The following LPAR1 variants were observed in gnomAD, a reference collection of about 807,000 sequenced individuals.
LPAR1 encodes lysophosphatidic acid receptor 1, also known as LPA receptor 1.
LPAR1 carries 5 observed loss-of-function variants against 23.8 expected under a neutral mutation model. The ratio of observed to expected loss-of-function variants is 0.21; its 90% CI spans 0.11 to 0.44. The LOEUF (loss-of-function observed/expected upper bound fraction) is 0.44, where lower values mean the gene tolerates loss of function less well. Among genes scored for constraint, LPAR1 ranks in the 20% least tolerant of loss-of-function variants. LPAR1 has a pLI of 0.99. For synonymous variants in LPAR1, 160 were observed against 164.7 expected (o/e 0.97, Z 0.22); for missense variants, 311 against 482.8 (o/e 0.64, Z 3.33).
intron 5 of LPAR1, among the ~76,000 whole-genome samples, chr9:110,905,410 A>T (rs2090919014): frequency 6.7e-6 from 1 of 149,614 alleles, no homozygotes; most frequent in Non-Finnish European, 1.5e-5. Flanking sequence ...CAGTGGCATG[A>T]TCTTGGCTCA....
At chr9:111,002,553 A>G (rs1038226662) in intron 2 of LPAR1, among the ~76,000 whole-genome samples, 7 of 152,246 alleles carry the variant, frequency 4.6e-5, no homozygotes, top group African/African-American at 1.7e-4. Context: ...TGAACTTATC[A>G]TTAAAGATAG....
chr9:110,931,803 G>C (rs2094435918), intron 5 of LPAR1, among the ~76,000 whole-genome samples: 1 of 152,194 alleles, frequency 6.6e-6, no homozygotes, highest in Non-Finnish European at 1.5e-5. Context: ...TCTTGTTTTT[G>C]TCAGGTTTGT....
chr9:110,924,238 C>CAAAAAAAAA (rs10695949), intron 5 of LPAR1, among the ~76,000 whole-genome samples: 1 of 144,036 alleles, frequency 6.9e-6, no homozygotes, highest in African/African-American at 2.5e-5. Context: ...ATTATAATAG[C>CAAAAAAAAA]AAAAAAAAAA....
At chr9:110,986,312 AC>A (rs2096780150) in intron 2 of LPAR1, among the ~76,000 whole-genome samples, 1 of 152,094 alleles carries the variant, frequency 6.6e-6, no homozygotes, top group Non-Finnish European at 1.5e-5. Flanking sequence ...GACAATTACA[AC>A]CTCTATAACC....
chr9:110,912,412 T>A (rs908688097), intron 5 of LPAR1, among the ~76,000 whole-genome samples: 1 of 152,182 alleles, frequency 6.6e-6, no homozygotes, highest in Non-Finnish European at 1.5e-5. Context: ...AAAACTCTTA[T>A]CTTCTCATGA....
chr9:110,941,470 C>A lies in LPAR1; in HGVS notation c.744G>T (p.Arg248=), dbSNP rs146077217. Reference sequence around the variant, plus strand: ...GAAGACTCATCATGGTATCCCGATTCCGCCGGGGTCCAGAACTATGCCGAG... The same window carrying A: ...GAAGACTCATCATGGTATCCCGATTACGCCGGGGTCCAGAACTATGCCGAG... ...RMSRHSSGPR[R]NRDTMMSLLK... Residue 248 remains arginine, a synonymous_variant, in exon 5 of 6, where the codon CGG becomes CGT. Coordinates refer to ENST00000683809, the MANE Select transcript of LPAR1 (RefSeq NM_001351411.2). This position sits in a 1 kb window ranked among gnomAD's most constrained non-coding sequence, Gnocchi z 6.1. The A allele has an allele frequency of 2.5e-5, 41 of 1,613,954 alleles. No individual in the cohort carries two copies. In the Admixed American group the frequency reaches 6.7e-4, roughly 26 times the overall value.
chr9:110,991,146 A>G (rs2096885170), intron 2 of LPAR1, among the ~76,000 whole-genome samples: 1 of 152,264 alleles, frequency 6.6e-6, no homozygotes, highest in Non-Finnish European at 1.5e-5. Context: ...AACATAAGAG[A>G]AAATCATTGT....
intron 2 of LPAR1, among the ~76,000 whole-genome samples, chr9:110,998,678 A>C (rs2097068957): frequency 6.6e-6 from 1 of 152,222 alleles, no homozygotes; most frequent in Non-Finnish European, 1.5e-5. Context: ...AGTGTAATCC[A>C]TCTGAATCTG....
At chr9:110,982,885 C>CACAT (rs1330413259) in intron 2 of LPAR1, among the ~76,000 whole-genome samples, 3 of 151,522 alleles carry the variant, frequency 2.0e-5, no homozygotes, top group African/African-American at 7.3e-5. Flanking sequence ...CACACACACA[C>CACAT]ACACACACAC....
chr9:111,017,845 C>A (rs1022065586), intron 2 of LPAR1, among the ~76,000 whole-genome samples: 9 of 151,854 alleles, frequency 5.9e-5, no homozygotes, highest in African/African-American at 2.2e-4. Context: ...CATGGTGAAA[C>A]CTATCTCTAC....
At chr9:110,895,602 T>A (rs1264356374) in intron 5 of LPAR1, among the ~76,000 whole-genome samples, 1 of 152,150 alleles carries the variant, frequency 6.6e-6, no homozygotes, top group African/African-American at 2.4e-5. Flanking sequence ...ACAGGCCTCA[T>A]ATTTCTATTT....
intron 2 of LPAR1, among the ~76,000 whole-genome samples, chr9:111,014,570 G>C (rs899359034): frequency 7.9e-5 from 12 of 152,040 alleles, no homozygotes; most frequent in Admixed American, 7.9e-4. Context: ...GAATGACCAG[G>C]TGTCTGCCCT....
chr9:110,908,664 C>T lies in LPAR1; in HGVS notation c.793+32757G>A, dbSNP rs117532187. ...GACCAGAAATTCCCTGAAATGAATA[C>T]GACTTCCTAGGAGGCCTTGAAAATG... On this transcript the variant is annotated intron_variant, in intron 5 of 5. Transcript: ENST00000683809. Among the ~76,000 whole-genome samples the T allele has an allele frequency of 3.8e-4, 58 of 152,160 alleles. No homozygotes were observed. The East Asian group carries it at 7.2e-3, about 19-fold the overall frequency.
chr9:111,002,173 A>G (rs2097140049), intron 2 of LPAR1, among the ~76,000 whole-genome samples: 1 of 152,172 alleles, frequency 6.6e-6, no homozygotes, highest in Non-Finnish European at 1.5e-5. Context: ...TTTATATAAC[A>G]CTTACATGTT....
chr9:110,953,315 GC>G (rs1304612984), intron 4 of LPAR1, among the ~76,000 whole-genome samples: 1 of 152,102 alleles, frequency 6.6e-6, no homozygotes, highest in Non-Finnish European at 1.5e-5. Context: ...CCCGGCCCCA[GC>G]AAACCTTTGC....
intron 2 of LPAR1, among the ~76,000 whole-genome samples, chr9:111,010,294 T>C (rs1174099704): frequency 1.1e-4 from 16 of 152,048 alleles, no homozygotes. Context: ...AGGAGAATGT[T>C]AACAGTGGCT....
At chr9:111,028,729 C>A (rs1234405044) in intron 2 of LPAR1, among the ~76,000 whole-genome samples, 1 of 151,670 alleles carries the variant, frequency 6.6e-6, no homozygotes, top group Non-Finnish European at 1.5e-5. Flanking sequence ...CTATGACAAA[C>A]CTTTACGAGT....
At chr9:111,031,999 A>G (rs1321332153) in intron 2 of LPAR1, among the ~76,000 whole-genome samples, 1 of 152,210 alleles carries the variant, frequency 6.6e-6, no homozygotes, top group African/African-American at 2.4e-5. Flanking sequence ...GATAGAGGGC[A>G]AGCTCCATGA....
chr9:111,026,963 A>C (rs1317555434), intron 2 of LPAR1, among the ~76,000 whole-genome samples: 2 of 152,218 alleles, frequency 1.3e-5, no homozygotes, highest in African/African-American at 4.8e-5. Flanking sequence ...ATCAATGTTC[A>C]TCAGGGATAT....
Sources: gnomAD v4.1 joint callset for allele counts (sites outside exome capture counted in the v4.1 genomes callset) on GRCh38, gnomAD v4.1.1 for gene constraint, Gnocchi (gnomAD v3.1) non-coding constraint, MANE v1.5 for transcripts, NCBI Gene and HGNC (gene_info 2026-07-23, HGNC 2026-07-21) for gene names.